Variants in TTC27 observed in about 807,000 individuals in gnomAD.
The protein encoded by TTC27 is tetratricopeptide repeat domain 27, also known as tetratricopeptide repeat protein 27.
In TTC27, 79 loss-of-function variants were observed where a neutral mutation model predicts 115.9. The ratio of observed to expected loss-of-function variants is 0.68; its 90% CI spans 0.57 to 0.82. The LOEUF (loss-of-function observed/expected upper bound fraction) is 0.82. Ranked by LOEUF, TTC27 falls within the 40% of genes least tolerant of loss-of-function variation. The probability of loss-of-function intolerance (pLI) is 0.00; values close to 1 mark genes in which losing one functional copy is unlikely to be tolerated. For synonymous variants in TTC27, 401 were observed against 356.0 expected, an observed-to-expected ratio of 1.13 and a Z score of -1.42; for missense variants, 1,054 against 993.1, an observed-to-expected ratio of 1.06 and a Z score of -0.82.
intron 12 of TTC27, among the ~76,000 whole-genome samples, chr2:32,748,141 A>G (rs1352835161): frequency 6.6e-6 from 1 of 151,946 alleles, no homozygotes; most frequent in Non-Finnish European, 1.5e-5. Context: ...CGTAAGTTTC[A>G]GCATATTTTG....
At chr2:32,721,620 CTTT>C (rs58839860) in intron 10 of TTC27, among the ~76,000 whole-genome samples, 2 of 137,338 alleles carry the variant, frequency 1.5e-5, no homozygotes, top group Admixed American at 7.5e-5. Context: ...CTCTCTCTCT[CTTT>C]TTTTTTTTTT....
intron 5 of TTC27, among the ~76,000 whole-genome samples, chr2:32,658,640 G>T (rs1157302340): frequency 2.6e-5 from 4 of 152,140 alleles, no homozygotes; most frequent in Admixed American, 1.3e-4. Context: ...TGAAATGCTG[G>T]CTAACACATA....
chr2:32,792,363 CT>C (rs2148027401), intron 16 of TTC27, among the ~76,000 whole-genome samples: 1 of 152,260 alleles, frequency 6.6e-6, no homozygotes, highest in African/African-American at 2.4e-5. Flanking sequence ...GTTGAGGTAC[CT>C]GAGGCTCAGC....
chr2:32,723,716 C>T (rs991119357), intron 10 of TTC27, among the ~76,000 whole-genome samples: 1 of 48,588 alleles, frequency 2.1e-5, no homozygotes, highest in Non-Finnish European at 4.3e-5. Context: ...CCCTCCCTCC[C>T]TCCCTCCCTC....
intron 12 of TTC27, among the ~76,000 whole-genome samples, chr2:32,749,219 T>C (rs1391009505): frequency 6.6e-6 from 1 of 152,242 alleles, no homozygotes; most frequent in South Asian, 2.1e-4. Flanking sequence ...TGAAAGACTT[T>C]TCACTGAACA....
intron 4 of TTC27, among the ~76,000 whole-genome samples, chr2:32,647,287 A>G (rs951614470): frequency 5.9e-5 from 9 of 152,132 alleles, no homozygotes; most frequent in African/African-American, 2.2e-4. Flanking sequence ...GACTGGATGT[A>G]TCTAAATTCC....
At chr2:32,701,911 T>C (rs1667196825) in intron 9 of TTC27, among the ~76,000 whole-genome samples, 3 of 151,362 alleles carry the variant, frequency 2.0e-5, no homozygotes, top group Admixed American at 2.0e-4. Context: ...CTCGGGTAGC[T>C]GAGGTGGGAG....
At chr2:32,665,927 G>A (rs993288214) in intron 6 of TTC27, among the ~76,000 whole-genome samples, 1 of 152,066 alleles carries the variant, frequency 6.6e-6, no homozygotes, top group African/African-American at 2.4e-5. Context: ...AAAGTAAGCT[G>A]TATCAAACAA....
At chr2:32,786,944 G>A in intron 15 of TTC27, 40 bp from the exon 16 acceptor site, 1 of 1,522,692 alleles carries the variant, frequency 6.6e-7, no homozygotes, top group Non-Finnish European at 8.9e-7. Context: ...AATAAAAAAA[G>A]AGTTCATTAT....
At chr2:32,750,250 G>A (rs143163634) in intron 12 of TTC27, among the ~76,000 whole-genome samples, 153 of 152,318 alleles carry the variant, frequency 1.0e-3, no homozygotes, top group African/African-American at 3.5e-3. Context: ...AGTCCACACA[G>A]CAAATGTCTC....
At chr2:32,776,120 C>T (rs1669989468) in intron 13 of TTC27, among the ~76,000 whole-genome samples, 1 of 152,188 alleles carries the variant, frequency 6.6e-6, no homozygotes, top group African/African-American at 2.4e-5. Flanking sequence ...TATATCCATC[C>T]TCTTTTCAGT....
chr2:32,665,052 G>A (rs964987110), intron 6 of TTC27, among the ~76,000 whole-genome samples: 2 of 150,662 alleles, frequency 1.3e-5, no homozygotes, highest in South Asian at 4.3e-4. Context: ...TCACCATGTT[G>A]GCCAGGCTGG....
intron 14 of TTC27, among the ~76,000 whole-genome samples, chr2:32,778,644 C>G (rs1276130415): frequency 6.6e-6 from 1 of 152,144 alleles, no homozygotes; most frequent in Non-Finnish European, 1.5e-5. Flanking sequence ...TTTCAAGATT[C>G]ATGCATGGTT....
At chr2:32,729,884 A>G (rs1232218301) in intron 10 of TTC27, among the ~76,000 whole-genome samples, 1 of 152,064 alleles carries the variant, frequency 6.6e-6, no homozygotes, top group Non-Finnish European at 1.5e-5. Context: ...CTTTTTACTT[A>G]TGACTAAGCC....
chr2:32,700,732 G>A (rs1667156866), intron 9 of TTC27, among the ~76,000 whole-genome samples: 1 of 152,016 alleles, frequency 6.6e-6, no homozygotes, highest in Admixed American at 6.6e-5. Context: ...TAAAGACTGG[G>A]TTTCATCACG....
intron 13 of TTC27, among the ~76,000 whole-genome samples, chr2:32,761,380 A>G (rs1373781351): frequency 1.3e-5 from 2 of 152,074 alleles, no homozygotes; most frequent in Non-Finnish European, 2.9e-5. Flanking sequence ...TTACCTCCTT[A>G]TTGGTCTTCC....
intron 10 of TTC27, among the ~76,000 whole-genome samples, chr2:32,713,698 T>C (rs1313126192): frequency 2.0e-5 from 3 of 152,244 alleles, no homozygotes; most frequent in Non-Finnish European, 4.4e-5. Context: ...CAATTTGACT[T>C]TCTTAACTGT....
intron 8 of TTC27, among the ~76,000 whole-genome samples, chr2:32,674,997 A>G (rs58672712): frequency 0.022 from 3,380 of 152,332 alleles, 124 homozygotes; most frequent in African/African-American, 0.078. Flanking sequence ...TGCATAAAAA[A>G]TACTTGTTCA....
intron 13 of TTC27, among the ~76,000 whole-genome samples, chr2:32,759,117 G>A (rs1669346391): frequency 1.3e-5 from 2 of 152,218 alleles, no homozygotes; most frequent in Non-Finnish European, 1.5e-5. Flanking sequence ...ACCTTATTTT[G>A]TACTTAATGA....
Sources: gnomAD v4.1 joint callset for allele counts (sites outside exome capture counted in the v4.1 genomes callset) on GRCh38, gnomAD v4.1.1 for gene constraint, MANE v1.5 for transcripts, NCBI Gene and HGNC (gene_info 2026-07-23, HGNC 2026-07-21) for gene names.